The following PCSK5 variants were observed in gnomAD, a reference collection of about 807,000 sequenced individuals.
PCSK5 encodes the protein prohormone convertase 5.
Under a neutral mutation model 233.2 loss-of-function variants are expected in PCSK5, and 129 were observed. That is an observed-to-expected ratio of 0.55 (90% CI 0.48 to 0.64). The LOEUF (loss-of-function observed/expected upper bound fraction) is 0.64, where lower values mean the gene tolerates loss of function less well. Ranked by LOEUF, PCSK5 falls within the 30% of genes least tolerant of loss-of-function variation. The pLI is 0.00. For synonymous variants in PCSK5, 825 were observed against 879.2 expected (o/e 0.94, Z 1.09); for missense variants, 2,076 against 2,430.1 (o/e 0.85, Z 3.06).
At chr9:75,973,412 C>G (rs536268538) in intron 2 of PCSK5, among the ~76,000 whole-genome samples, 58 of 152,282 alleles carry the variant, frequency 3.8e-4, no homozygotes, top group African/African-American at 1.3e-3. Context: ...TTTCTGCTTT[C>G]TCCTAGGTGT....
At chr9:76,263,460 G>A (rs1395894472) in intron 24 of PCSK5, among the ~76,000 whole-genome samples, 4 of 152,122 alleles carry the variant, frequency 2.6e-5, no homozygotes, top group African/African-American at 4.8e-5. Flanking sequence ...AAAAAATGAC[G>A]AGTTCGTGTC....
chr9:76,207,311 T>A (rs1825157714), intron 20 of PCSK5, among the ~76,000 whole-genome samples: 1 of 152,218 alleles, frequency 6.6e-6, no homozygotes, highest in Non-Finnish European at 1.5e-5. Flanking sequence ...CACACTTGGA[T>A]TTTTTGTCTA....
intron 24 of PCSK5, among the ~76,000 whole-genome samples, chr9:76,270,385 T>C (rs556524964): frequency 6.6e-6 from 1 of 152,330 alleles, no homozygotes; most frequent in Non-Finnish European, 1.5e-5. Flanking sequence ...TCTGTCTGAA[T>C]GGAGAGGTAA....
chr9:76,334,073 A>C (rs953216740), intron 34 of PCSK5, among the ~76,000 whole-genome samples: 1 of 152,160 alleles, frequency 6.6e-6, no homozygotes, highest in Non-Finnish European at 1.5e-5. Context: ...GTCACATCTT[A>C]TGTGGATAGC....
At chr9:76,309,826 G>T (rs147749888) in intron 29 of PCSK5, among the ~76,000 whole-genome samples, 1 of 152,232 alleles carries the variant, frequency 6.6e-6, no homozygotes, top group Admixed American at 6.5e-5. Context: ...AATATAAAAG[G>T]TTACACTCAA....
At chr9:76,279,527 C>T (rs1184585696) in intron 24 of PCSK5, among the ~76,000 whole-genome samples, 1 of 151,970 alleles carries the variant, frequency 6.6e-6, no homozygotes, top group Non-Finnish European at 1.5e-5. Flanking sequence ...ACAGTCCCAC[C>T]AACAGTGTAA....
At chr9:76,039,166 T>G (rs1431287185) in intron 5 of PCSK5, among the ~76,000 whole-genome samples, 2 of 152,262 alleles carry the variant, frequency 1.3e-5, no homozygotes, top group Non-Finnish European at 2.9e-5. Flanking sequence ...ATTCCACTTA[T>G]GTTCGTCCCA....
intron 20 of PCSK5, among the ~76,000 whole-genome samples, chr9:76,217,394 G>C (rs1825575317): frequency 6.6e-6 from 1 of 152,226 alleles, no homozygotes; most frequent in Non-Finnish European, 1.5e-5. Flanking sequence ...AGTAGCAACA[G>C]CTGAAAATTA....
Position 76,010,713 on chromosome 9 carries a change from T to A in PCSK5, c.412-13025T>A, listed in dbSNP as rs1265819359. Among the ~76,000 whole-genome samples, 6 of 152,168 alleles carry A rather than the reference T, an allele frequency of 3.9e-5. No homozygotes were observed. In the East Asian group the frequency reaches 9.6e-4, roughly 24 times the overall value. The stretch of plus-strand genomic sequence containing the variant: ...TTGGACTTTGATTGTCTGTAAGGTG[T>A]TTATGTTAGTTACCCATGAAGAGCT... On this transcript the variant is annotated intron_variant, in intron 3 of 37. Transcript: ENST00000674117.
At position 76,179,610 on chromosome 9, in the gene PCSK5, G is replaced by C. The variant is rs964737980; in HGVS notation, c.1915G>C (p.Glu639Gln). 1.2e-6 allele frequency: 2 copies of C among 1,613,540 alleles called. No homozygotes were observed. Among genetic ancestry groups the C allele is most frequent in the African/African-American group, 2.7e-5 (2 of 75,034 alleles). ...CTTTTGGAAAGGTCCCTGCGACCCT[G>C]AGTGCAGTGAGGTTGGCTGTGACGG... ...TEDYAGPCDP[E>Q]CSEVGCDGPG... Residue 639 changes from glutamate (E) to glutamine (Q), a missense_variant, in exon 15 of 38, where the codon GAG becomes CAG. This residue lies in a region of PCSK5 where 84 missense variants were observed against 108.8 expected (regional missense o/e 0.77). Coordinates refer to ENST00000674117, the MANE Select transcript of PCSK5 (RefSeq NM_001372043.1).
chr9:75,891,322 C>T lies in PCSK5; in HGVS notation c.141C>T (p.Phe47=), dbSNP rs534488256. The T allele has an allele frequency of 8.3e-5, 129 of 1,561,826 alleles. 1 individual carries two copies. The highest frequency in any genetic ancestry group is 4.7e-4 in the Admixed American group (24 of 51,168). The part of the protein sequence containing the change: ...NHWAVKIAGG[F]PEANRIASKY... ...GGGCAGTCAAAATCGCCGGGGGCTTCCCGGAGGCCAACCGTATCGCCAGCA... is the reference window on the plus strand; with the variant it reads ...GGGCAGTCAAAATCGCCGGGGGCTTTCCGGAGGCCAACCGTATCGCCAGCA... The change falls in exon 1 of 38, where the codon TTC becomes TTT. Residue 47 remains phenylalanine, a synonymous_variant. Coordinates refer to ENST00000674117, the MANE Select transcript of PCSK5 (RefSeq NM_001372043.1).
chr9:76,299,940 A>T (rs1400508464), intron 27 of PCSK5, among the ~76,000 whole-genome samples: 1 of 152,226 alleles, frequency 6.6e-6, no homozygotes, highest in Non-Finnish European at 1.5e-5. Flanking sequence ...TAATTTCTGC[A>T]CATTTATCTT....
Position 76,182,462 on chromosome 9 carries a change from G to A in PCSK5, c.2197+871G>A, listed in dbSNP as rs551547145. On this transcript the variant is annotated intron_variant, in intron 16 of 37. Coordinates refer to ENST00000674117, the MANE Select transcript of PCSK5 (RefSeq NM_001372043.1). ...GGCAAAATGGAAATCCTTTTGCTAA[G>A]TTGGAGACAAAATTGAATAATTTAA... Among the ~76,000 whole-genome samples, 6 of 151,996 alleles carry A rather than the reference G, an allele frequency of 3.9e-5. No homozygotes were observed. The East Asian group carries it at 1.2e-3, about 29-fold the overall frequency.
intron 20 of PCSK5, chr9:76,193,450 C>CCTCT (rs1385278131): frequency 1.2e-6 from 1 of 868,838 alleles, no homozygotes; most frequent in Non-Finnish European, 1.6e-6. Context: ...AAGCAAGCCA[C>CCTCT]CTCTCTCTTT....
intron 24 of PCSK5, among the ~76,000 whole-genome samples, chr9:76,277,897 G>A (rs944051780): frequency 6.6e-6 from 1 of 152,092 alleles, no homozygotes; most frequent in South Asian, 2.1e-4. Flanking sequence ...CATTATCTTC[G>A]GGTGGACTGA....
rs553527355 is a variant in PCSK5, at chr9:76,206,928, G to C, written c.2626+17182G>C. ...TAGTCAGCAATCAGGGTTTCAGTAGGGCCACCCTACCAGAGGGTCCAGGGG... is the reference window on the plus strand; with the variant it reads ...TAGTCAGCAATCAGGGTTTCAGTAGCGCCACCCTACCAGAGGGTCCAGGGG... On this transcript the variant is annotated intron_variant, in intron 20 of 37. Transcript: ENST00000674117. 2.4e-3 allele frequency among the ~76,000 whole-genome samples: 366 copies of C among 152,154 alleles called. 2 individuals are homozygous for C. Among genetic ancestry groups the C allele is most frequent in the African/African-American group, 8.5e-3 (352 of 41,514 alleles).
At chr9:76,353,185 T>C (rs1164151620) in intron 36 of PCSK5, among the ~76,000 whole-genome samples, 1 of 152,192 alleles carries the variant, frequency 6.6e-6, no homozygotes, top group African/African-American at 2.4e-5. Context: ...TTCCATTCCT[T>C]CTTCTTTTTC....
chr9:76,056,732 A>G (rs1347375911), intron 5 of PCSK5, among the ~76,000 whole-genome samples: 1 of 152,200 alleles, frequency 6.6e-6, no homozygotes, highest in Admixed American at 6.5e-5. Flanking sequence ...AAATTGTTTC[A>G]TGTTTACTAG....
rs975299378 is a variant in PCSK5, at chr9:76,099,212, A to G, written c.1107+3110A>G. ...TGCCTGAATTCCCAAATTACCCCCA[A>G]TTGGAGAGGAAATTTGGAAGCTGTT... On this transcript the variant is annotated intron_variant, in intron 8 of 37. Transcript: ENST00000674117. Among the ~76,000 whole-genome samples the G allele has an allele frequency of 3.3e-5, 5 of 152,200 alleles. No individual in the cohort carries two copies. The South Asian group carries it at 6.2e-4, about 19-fold the overall frequency.
Sources: allele counts gnomAD v4.1 joint callset (sites outside exome capture counted in the v4.1 genomes callset), GRCh38; gene constraint gnomAD v4.1.1; regional missense constraint gnomAD v4.1.1; transcripts MANE v1.5; gene names NCBI Gene and HGNC (gene_info 2026-07-23, HGNC 2026-07-21).